Variants in TARS2 observed in about 807,000 individuals in gnomAD.
TARS2 encodes the protein threonyl-tRNA synthetase 2, mitochondrial, also known as threonine--tRNA ligase, mitochondrial.
TARS2 carries 61 observed loss-of-function variants against 94.4 expected under a neutral mutation model. The ratio of observed to expected loss-of-function variants is 0.65; its 90% confidence interval spans 0.53 to 0.80. TARS2 has a LOEUF of 0.80. Among genes scored for constraint, TARS2 ranks in the 30% least tolerant of loss-of-function variants. TARS2 has a pLI of 0.00. For missense variants in TARS2, 704 were observed against 902.5 expected (o/e 0.78, Z 2.82); for synonymous variants, 359 against 353.4 (o/e 1.02, Z -0.18).
intron 13 of TARS2, among the ~76,000 whole-genome samples, chr1:150,500,015 A>G (rs1669841922): frequency 1.3e-5 from 2 of 151,952 alleles, no homozygotes; most frequent in South Asian, 4.2e-4. Context: ...TACCAAAAAA[A>G]AAAAAAAAAA....
In TARS2 at chr1:150,499,029, G is replaced by T; in HGVS notation, c.1534G>T (p.Glu512Ter). ...LGDPCLWDQA[E>*]QVLKQALKEF... ...GGACCCTTGCCTTTGGGACCAGGCC[G>T]AACAGGTGAGTAGGAGGTAGAGAAA... The change falls in exon 12 of 18, where the codon GAA becomes TAA. Residue 512 changes from glutamate to a stop codon, truncating the protein, a stop_gained. Coordinates refer to ENST00000369064, the MANE Select transcript of TARS2 (RefSeq NM_025150.5). LOFTEE classifies it high-confidence loss of function. The T allele has an allele frequency of 6.2e-7, 1 of 1,614,160 alleles. No individual in the cohort carries two copies. Among genetic ancestry groups the T allele is most frequent in the Non-Finnish European group, 8.5e-7 (1 of 1,180,024 alleles).
chr1:150,504,509 AC>A, intron 14 of TARS2, 74 bp downstream of exon 14: 1 of 1,586,420 alleles, frequency 6.3e-7, no homozygotes, highest in South Asian at 1.1e-5. Flanking sequence ...GGCCCTAAAA[AC>A]TAAACCCTCC....
Position 150,496,844 on chromosome 1 carries a change from C to T in TARS2, c.956C>T (p.Pro319Leu), listed in dbSNP as rs1669684129. ...CTCTTCTTCTTCCATGAACTGAGCCCTGGGAGCTGCTTCTTCCTGCCACGA... is the reference window on the plus strand; with the variant it reads ...CTCTTCTTCTTCCATGAACTGAGCCTTGGGAGCTGCTTCTTCCTGCCACGA... ...QELFFFHELS[P>L]GSCFFLPRGT... is the part of the protein sequence containing the mutation. Residue 319 changes from proline (P) to leucine (L), a missense_variant, in exon 9 of 18, where the codon CCT (proline) becomes CTT (leucine). This residue lies in a region of TARS2 where 466 missense variants were observed against 609.5 expected (regional missense o/e 0.76). Transcript: ENST00000369064. 6 of 1,614,024 alleles carry T rather than the reference C, an allele frequency of 3.7e-6. No homozygotes were observed. The Admixed American group carries it at 8.3e-5, about 22-fold the overall frequency.
rs71086517 is a variant in TARS2, at chr1:150,507,566, CTAAATAAATAAA to C, written c.*517_*528del. The C allele has an allele frequency of 1.3e-5, 2 of 153,386 alleles. No homozygotes were observed. The highest frequency in any genetic ancestry group is 2.9e-5 in the Non-Finnish European group (2 of 69,324). 9.5% of individuals were successfully genotyped at this position (153,386 alleles called of 1,614,324 possible). On this transcript the variant is annotated 3_prime_UTR_variant, in exon 18 of 18. Coordinates refer to ENST00000369064, the MANE Select transcript of TARS2 (RefSeq NM_025150.5). ...TAGGCGACAGAGCGAGACTCTGTCTCTAAATAAATAAATAAATAAATAAATACAAACTGGAAG... is the reference window on the plus strand; with the variant it reads ...TAGGCGACAGAGCGAGACTCTGTCTCTAAATAAATAAATACAAACTGGAAG...
chr1:150,504,606 T>G, intron 14 of TARS2, 26 bp from the exon 15 acceptor site: 1 of 1,606,328 alleles, frequency 6.2e-7, no homozygotes, highest in Non-Finnish European at 8.5e-7. Context: ...CACCATTCCA[T>G]CCACCCCCCC....
intron 13 of TARS2, among the ~76,000 whole-genome samples, chr1:150,501,441 C>T (rs587673426): frequency 3.4e-4 from 50 of 148,848 alleles, no homozygotes; most frequent in African/African-American, 1.1e-3. Flanking sequence ...TCTCAGCCTC[C>T]CGAGTAGCTG....
At chr1:150,492,880 C>T (rs587735026) in intron 7 of TARS2, among the ~76,000 whole-genome samples, 1 of 147,986 alleles carries the variant, frequency 6.8e-6, no homozygotes, top group South Asian at 2.1e-4. Flanking sequence ...TACTTTCTGT[C>T]GGCACCCCCC....
chr1:150,488,599 G>A (rs1669251019), intron 2 of TARS2: 1 of 200,900 alleles, frequency 5.0e-6, no homozygotes, highest in African/African-American at 2.4e-5. Flanking sequence ...AATATGTAAT[G>A]ATCAAATCAG....
chr1:150,496,941 C>G, intron 9 of TARS2, 33 bp downstream of exon 9: 1 of 1,601,874 alleles, frequency 6.2e-7, no homozygotes, highest in Non-Finnish European at 8.5e-7. Context: ...GAAAGAAGAC[C>G]AGGGAGGGGC....
In TARS2 at chr1:150,492,501, G is replaced by A. The variant is rs1439178477; in HGVS notation, c.774+12G>A. ...TGAAGCTGCTATCGGTCAGTTGTGG[G>A]ACAGAGTTAGGTTAAGATTCCTATT... On this transcript the variant is annotated intron_variant, in intron 7 of 17. Coordinates refer to ENST00000369064, the MANE Select transcript of TARS2 (RefSeq NM_025150.5). 2.5e-6 allele frequency: 4 copies of A among 1,613,048 alleles called. No homozygotes were observed. In the South Asian group the frequency reaches 4.4e-5, roughly 18 times the overall value.
Position 150,507,597 on chromosome 1 carries a change from C to G in TARS2, c.*533C>G, listed in dbSNP as rs1570879304. On this transcript the variant is annotated 3_prime_UTR_variant, in exon 18 of 18. Transcript: ENST00000369064. The stretch of plus-strand genomic sequence containing the variant: ...AAATAAATAAATAAATAAATACAAA[C>G]TGGAAGCTGCTGGTCATATGTCTTC... 1 of 149,452 alleles carries G rather than the reference C, an allele frequency of 6.7e-6. No individual in the cohort carries two copies. The highest frequency in any genetic ancestry group is 2.5e-5 in the African/African-American group (1 of 39,368). The allele number at this position is 149,452 out of a possible 1,614,324, so 9.3% of individuals were successfully genotyped here.
intron 8 of TARS2, 90 bp from the exon 9 acceptor site, chr1:150,496,720 C>T (rs1430724386): frequency 6.2e-7 from 1 of 1,600,060 alleles, no homozygotes; most frequent in Non-Finnish European, 8.5e-7. Flanking sequence ...GATTCAGTCA[C>T]ACAGACTGAG....
chr1:150,497,308 G>C (rs587646149), intron 9 of TARS2, among the ~76,000 whole-genome samples: 1 of 152,010 alleles, frequency 6.6e-6, no homozygotes, highest in East Asian at 1.9e-4. Context: ...AAGGTGGGGG[G>C]GCTGGTTTGG....
At chr1:150,494,511 G>C (rs1038061079) in intron 7 of TARS2, among the ~76,000 whole-genome samples, 6 of 148,686 alleles carry the variant, frequency 4.0e-5, no homozygotes, top group Non-Finnish European at 7.5e-5. Flanking sequence ...AGGCCAAGTT[G>C]GGCGGATCAC....
Position 150,492,439 on chromosome 1 carries a change from G to A in TARS2, c.724G>A (p.Gly242Ser), listed in dbSNP as rs1226815248. ...GCGTLVDLCQ[G>S]PHLRHTGQIG... ...TGGCACATTGGTTGACCTTTGCCAG[G>A]GCCCCCACCTTCGGCATACTGGACA... The change falls in exon 7 of 18, where the codon GGC becomes AGC. Residue 242 changes from glycine to serine, a missense_variant. This residue lies in a region of TARS2 where 466 missense variants were observed against 609.5 expected (regional missense o/e 0.76). Transcript: ENST00000369064. 6.2e-7 allele frequency: 1 copy of A among 1,613,876 alleles called. No individual in the cohort carries two copies. Among genetic ancestry groups the A allele is most frequent in the Admixed American group, 1.7e-5 (1 of 59,986 alleles).
intron 2 of TARS2, chr1:150,488,469 T>TTTCTCTC (rs58156570): frequency 0.3 from 50,905 of 171,068 alleles, 9,180 homozygotes; most frequent in Non-Finnish European, 0.39. Context: ...GATGAGCAAC[T>TTTCTCTC]TTCTCCCCAC....
chr1:150,497,052 C>A, intron 9 of TARS2, 144 bp downstream of exon 9: 1 of 723,314 alleles, frequency 1.4e-6, no homozygotes, highest in Non-Finnish European at 2.2e-6. Context: ...GGAGGCTGAG[C>A]CGTGCAGATC....
chr1:150,492,900 T>C (rs587610927), intron 7 of TARS2, among the ~76,000 whole-genome samples: 2 of 151,816 alleles, frequency 1.3e-5, no homozygotes, highest in East Asian at 3.9e-4. Flanking sequence ...CTTTTTTTTT[T>C]TTGAGACCAA....
rs41313724 is a variant in TARS2 at position 150,489,335 on chromosome 1, G to A, written c.387+248G>A. 2.0e-3 allele frequency: 937 copies of A among 477,602 alleles called. 5 individuals carry two copies. Among genetic ancestry groups the A allele is most frequent in the Non-Finnish European group, 3.2e-3 (813 of 256,678 alleles). The allele number at this position is 477,602 out of a possible 1,614,324, so 29.6% of individuals were successfully genotyped here. A position where few individuals can be genotyped will look rare whatever the true frequency, so the allele number is the denominator to read the frequency against. Reference sequence around the variant, plus strand: ...AGATGATATGTTGAAAAAACGAAAGGATAAATATGTAAATTCAGCCCCCTC... The same window carrying A: ...AGATGATATGTTGAAAAAACGAAAGAATAAATATGTAAATTCAGCCCCCTC... On this transcript the variant is annotated intron_variant, in intron 3 of 17. Transcript: ENST00000369064.
Sources: allele counts gnomAD v4.1 joint callset (sites outside exome capture counted in the v4.1 genomes callset), GRCh38; gene constraint gnomAD v4.1.1; regional missense constraint gnomAD v4.1.1; transcripts MANE v1.5; gene names NCBI Gene and HGNC (gene_info 2026-07-23, HGNC 2026-07-21).